Variants in CFAP47 observed in about 807,000 individuals in gnomAD.
CFAP47 encodes cilia- and flagella-associated protein 47.
CFAP47 carries 29 observed loss-of-function variants against 148.1 expected under a neutral mutation model. The observed-to-expected ratio is 0.20, with a 90% CI of 0.15 to 0.27. CFAP47 has a LOEUF of 0.27. CFAP47 is among the 10% of genes least tolerant of loss of function. The probability of loss-of-function intolerance (pLI) is 1.00; values close to 1 mark genes in which losing one functional copy is unlikely to be tolerated. For missense variants in CFAP47, 1,872 were observed against 1,697.5 expected, an observed-to-expected ratio of 1.10 and a Z score of -1.81; for synonymous variants, 664 against 577.3, an observed-to-expected ratio of 1.15 and a Z score of -2.15.
intron 8 of CFAP47, among the ~76,000 whole-genome samples, chrX:35,962,603 A>G (rs188145461): frequency 1.6e-3 from 174 of 110,795 alleles, no homozygotes; most frequent in Middle Eastern, 9.4e-3. Context: ...TTTGTCTTAT[A>G]TTAGTATGGG....
At chrX:36,103,515 A>AAAC (rs1569259700) in intron 32 of CFAP47, among the ~76,000 whole-genome samples, 1 of 102,014 alleles carries the variant, frequency 9.8e-6, no homozygotes, top group African/African-American at 3.6e-5. Context: ...AAAAAAAAAA[A>AAAC]AAAAAAAAAA....
At chrX:36,159,623 T>C in intron 38 of CFAP47, 47 bp downstream of exon 38, 1 of 295,149 alleles carries the variant, frequency 3.4e-6, no homozygotes, top group African/African-American at 2.7e-5. Context: ...TATCAGACCA[T>C]GAAGTATCAA....
intron 21 of CFAP47, among the ~76,000 whole-genome samples, chrX:36,012,612 A>G (rs755116967): frequency 1.1e-3 from 119 of 111,425 alleles, no homozygotes; most frequent in African/African-American, 3.8e-3. Context: ...GGAGTTGAAC[A>G]ATGAGAACAC....
At chrX:36,101,387 C>T (rs6632480) in intron 32 of CFAP47, among the ~76,000 whole-genome samples, 13,362 of 111,623 alleles carry the variant, frequency 0.12, 772 homozygotes, top group East Asian at 0.27. Context: ...TTCACACTCA[C>T]GTCAGAAATG....
At chrX:36,292,613 T>C (rs910131440) in intron 51 of CFAP47, among the ~76,000 whole-genome samples, 8 of 112,036 alleles carry the variant, frequency 7.1e-5, no homozygotes, top group Admixed American at 9.5e-5. Flanking sequence ...TAAGTGGTTA[T>C]GTGGAAGTAA....
At chrX:36,296,403 A>G (rs1941242764) in intron 51 of CFAP47, among the ~76,000 whole-genome samples, 1 of 112,427 alleles carries the variant, frequency 8.9e-6, no homozygotes, top group Non-Finnish European at 1.9e-5. Context: ...ACCAGAATCT[A>G]AATCTAAATT....
chrX:36,350,087 C>T lies in CFAP47; in HGVS notation c.8653C>T (p.Pro2885Ser). 8.6e-7 allele frequency: 1 copy of T among 1,161,521 alleles called. No individual in the cohort carries two copies. Among genetic ancestry groups the T allele is most frequent in the Non-Finnish European group, 1.2e-6 (1 of 868,288 alleles). Residue 2885 changes from proline (P) to serine (S), a missense_variant, in exon 59 of 64, where the codon CCT becomes TCT. Pro to Ser is a moderately conservative substitution (Grantham distance 74, BLOSUM62 -1). Coordinates refer to ENST00000378653, the MANE Select transcript of CFAP47 (RefSeq NM_001304548.2). ...AATCCAAGCAATACACTGGATATAC[C>T]CTATTGTTGGACTCCCACAAGCACC... ...EEIQAIHWIY[P>S]IVGLPQAPPP...
At chrX:36,217,949 A>C (rs1487621224) in intron 45 of CFAP47, among the ~76,000 whole-genome samples, 2 of 112,162 alleles carry the variant, frequency 1.8e-5, no homozygotes, top group African/African-American at 6.5e-5. Context: ...TTAGGTCTTC[A>C]GTGGTAAACA....
At chrX:36,061,179 C>T (rs991144920) in intron 26 of CFAP47, among the ~76,000 whole-genome samples, 1 of 110,962 alleles carries the variant, frequency 9.0e-6, no homozygotes, top group Non-Finnish European at 1.9e-5. Context: ...CTTCTCCGGC[C>T]GTGTAAGACA....
chrX:36,339,390 A>T (rs1006307655), intron 57 of CFAP47, among the ~76,000 whole-genome samples: 7 of 112,028 alleles, frequency 6.2e-5, no homozygotes, highest in Non-Finnish European at 1.3e-4. Flanking sequence ...AGTAGGAGAC[A>T]TTATTTTATC....
Position 36,197,767 on chromosome X carries a change from C to T in CFAP47, c.6322-2612C>T, listed in dbSNP as rs188043797. On this transcript the variant is annotated intron_variant, in intron 42 of 63. Coordinates refer to ENST00000378653, the MANE Select transcript of CFAP47 (RefSeq NM_001304548.2). The stretch of plus-strand genomic sequence containing the variant: ...GACTTAAATGATAAATAATATAAAA[C>T]GTTCAAAGTTTTTCATATTCTTTTT... Among the ~76,000 whole-genome samples, 301 of 111,204 alleles carry T rather than the reference C, an allele frequency of 2.7e-3. 1 individual carries two copies. Among genetic ancestry groups the T allele is most frequent in the Non-Finnish European group, 4.4e-3 (235 of 52,952 alleles).
chrX:36,225,891 G>A (rs1555991443), intron 45 of CFAP47, among the ~76,000 whole-genome samples: 1 of 110,905 alleles, frequency 9.0e-6, no homozygotes, highest in African/African-American at 3.3e-5. Context: ...TAGTTTGAGA[G>A]GTGATCCCAA....
intron 39 of CFAP47, among the ~76,000 whole-genome samples, chrX:36,173,726 C>G (rs755611273): frequency 1.2e-4 from 13 of 111,129 alleles, no homozygotes; most frequent in Admixed American, 5.7e-4. Flanking sequence ...CCAAGTATGT[C>G]GTCAATTTTG....
At chrX:35,946,307 T>A (rs1255487824) in intron 3 of CFAP47, among the ~76,000 whole-genome samples, 2 of 112,208 alleles carry the variant, frequency 1.8e-5, no homozygotes, top group Non-Finnish European at 3.8e-5. Flanking sequence ...TACCTGCAAT[T>A]TAAACATATT....
rs1569203201 is a variant in CFAP47 at position 35,926,290 on chromosome X, T to C, written c.401+122T>C. The C allele has an allele frequency of 1.2e-5, 6 of 495,824 alleles. No individual in the cohort carries two copies. In the East Asian group the frequency reaches 2.4e-4, roughly 20 times the overall value. The allele number at this position is 495,824 out of a possible 1,213,427, so 40.9% of individuals were successfully genotyped here. ...CTGACAGTTGAACTTAAAGGACACA[T>C]TTTTAGAAAATAGTAGTGTTTGTAA... On this transcript the variant is annotated intron_variant, in intron 2 of 63. Coordinates refer to ENST00000378653, the MANE Select transcript of CFAP47 (RefSeq NM_001304548.2).
At chrX:36,104,391 C>G (rs921158700) in intron 32 of CFAP47, 108 bp from the exon 33 acceptor site, 2 of 352,741 alleles carry the variant, frequency 5.7e-6, no homozygotes, top group African/African-American at 5.3e-5. Context: ...CCAGAAAATA[C>G]TAGTGCCCTC....
chrX:36,217,298 C>T (rs1555990266), intron 45 of CFAP47, among the ~76,000 whole-genome samples: 1 of 111,684 alleles, frequency 9.0e-6, no homozygotes, highest in African/African-American at 3.3e-5. Context: ...CCAGCTCCCT[C>T]CCTGGGTACT....
chrX:36,296,192 C>T (rs1167152062), intron 51 of CFAP47, among the ~76,000 whole-genome samples: 7 of 111,832 alleles, frequency 6.3e-5, no homozygotes, highest in Non-Finnish European at 1.9e-5. Flanking sequence ...AGACACCATC[C>T]GTATCTCCCA....
intron 22 of CFAP47, among the ~76,000 whole-genome samples, chrX:36,023,885 A>G (rs1937187634): frequency 1.8e-5 from 2 of 112,315 alleles, no homozygotes; most frequent in Middle Eastern, 9.3e-3. Context: ...GGGCATGTCT[A>G]GAAATGTCAC....
Sources: gnomAD v4.1 joint callset for allele counts (sites outside exome capture counted in the v4.1 genomes callset) on GRCh38, gnomAD v4.1.1 for gene constraint, MANE v1.5 for transcripts, NCBI Gene and HGNC (gene_info 2026-07-23, HGNC 2026-07-21) for gene names.